Variants in CHST11 observed in about 807,000 individuals in gnomAD.
CHST11 encodes the protein C4S-1.
CHST11 carries 9 observed loss-of-function variants against 30.4 expected under a neutral mutation model. The ratio of observed to expected loss-of-function variants is 0.30; its 90% CI spans 0.18 to 0.52. The LOEUF is 0.52. Ranked by LOEUF, CHST11 falls within the 20% of genes least tolerant of loss-of-function variation. The probability of loss-of-function intolerance (pLI) is 0.97; values close to 1 mark genes in which losing one functional copy is unlikely to be tolerated. For synonymous variants in CHST11, 152 were observed against 187.8 expected (o/e 0.81, Z 1.56); for missense variants, 348 against 460.6 (o/e 0.76, Z 2.24).
intron 2 of CHST11, among the ~76,000 whole-genome samples, chr12:104,617,577 T>C (rs1208370836): frequency 1.3e-5 from 2 of 152,172 alleles, no homozygotes; most frequent in African/African-American, 2.4e-5. Flanking sequence ...GAGCAAGTAA[T>C]TCAACTTCTA....
intron 1 of CHST11, among the ~76,000 whole-genome samples, chr12:104,544,138 A>AGAAAGAAAGAAAG (rs1555231334): frequency 4.2e-5 from 3 of 71,724 alleles, no homozygotes; most frequent in South Asian, 7.8e-4. Context: ...AAAAAAAAAA[A>AGAAAGAAAGAAAG]AAAGAAAGAA....
intron 1 of CHST11, among the ~76,000 whole-genome samples, chr12:104,492,454 A>G (rs1057010332): frequency 1.3e-5 from 2 of 152,142 alleles, no homozygotes; most frequent in African/African-American, 4.8e-5. Flanking sequence ...ACCAGAATAG[A>G]AGTTCCTGAG....
At chr12:104,726,428 C>A (rs2040217361) in intron 2 of CHST11, among the ~76,000 whole-genome samples, 1 of 152,144 alleles carries the variant, frequency 6.6e-6, no homozygotes, top group South Asian at 2.1e-4. Context: ...AACTAAGGGG[C>A]TTGTAATTAA....
At chr12:104,604,187 C>A (rs768657398) in intron 2 of CHST11, among the ~76,000 whole-genome samples, 1 of 152,120 alleles carries the variant, frequency 6.6e-6, no homozygotes, top group African/African-American at 2.4e-5. Context: ...CTCTTCCTTC[C>A]GGTAGTGTTC....
At chr12:104,462,024 G>A (rs572380172) in intron 1 of CHST11, among the ~76,000 whole-genome samples, 13 of 151,518 alleles carry the variant, frequency 8.6e-5, no homozygotes, top group Non-Finnish European at 1.3e-4. Flanking sequence ...AAAATTAGCC[G>A]GGCGTGGTGG....
chr12:104,458,086 C>A lies in CHST11; in HGVS notation c.118+557C>A, dbSNP rs1367915980. Among the ~76,000 whole-genome samples, 12 of 151,866 alleles carry A rather than the reference C, an allele frequency of 7.9e-5. No homozygotes were observed. The highest frequency in any genetic ancestry group is 2.0e-4 in the Admixed American group (3 of 15,276). The stretch of plus-strand genomic sequence containing the variant: ...CTGGGAGCCCGGGACTGGGCTCCCA[C>A]GTGTCCCGGGCTCCGCGCAGAGCTG... On this transcript the variant is annotated intron_variant, in intron 1 of 2. Coordinates refer to ENST00000303694, the MANE Select transcript of CHST11 (RefSeq NM_018413.6). The surrounding 1 kb of genome is among the most constrained non-coding windows in gnomAD (Gnocchi z 5.7).
intron 2 of CHST11, among the ~76,000 whole-genome samples, chr12:104,607,616 G>A (rs1177663611): frequency 1.3e-5 from 2 of 152,176 alleles, no homozygotes; most frequent in Admixed American, 6.5e-5. Flanking sequence ...AAGAGAGACA[G>A]CATCACAGAA....
chr12:104,752,776 G>A (rs766805798), intron 2 of CHST11, among the ~76,000 whole-genome samples: 8 of 152,164 alleles, frequency 5.3e-5, no homozygotes, highest in Admixed American at 2.0e-4. Flanking sequence ...TAATTAGCCC[G>A]CTGCTGCCTC....
chr12:104,547,358 G>A (rs1026145476), intron 1 of CHST11, among the ~76,000 whole-genome samples: 5 of 152,138 alleles, frequency 3.3e-5, no homozygotes, highest in East Asian at 1.9e-4. Context: ...GCCTGCTGGC[G>A]CCAGGAGCCG....
chr12:104,625,198 A>C (rs1465714865), intron 2 of CHST11, among the ~76,000 whole-genome samples: 1 of 152,228 alleles, frequency 6.6e-6, no homozygotes, highest in African/African-American at 2.4e-5. Flanking sequence ...GAGATGCCAA[A>C]CTGGAGATGC....
chr12:104,521,246 A>G (rs747946607), intron 1 of CHST11, among the ~76,000 whole-genome samples: 25 of 152,162 alleles, frequency 1.6e-4, no homozygotes, highest in African/African-American at 5.8e-4. Context: ...CCCTTCCCAT[A>G]TAACTATTTT....
intron 1 of CHST11, among the ~76,000 whole-genome samples, chr12:104,527,060 CG>C (rs2038133499): frequency 6.6e-6 from 1 of 152,160 alleles, no homozygotes; most frequent in Admixed American, 6.5e-5. Flanking sequence ...CATGGTGTAA[CG>C]GGTTGAATTG....
At position 104,729,069 on chromosome 12, in the gene CHST11, G is replaced by T. The variant is rs1313100099; in HGVS notation, c.205-27880G>T. On this transcript the variant is annotated intron_variant, in intron 2 of 2. Transcript: ENST00000303694. This position sits in a 1 kb window ranked among gnomAD's most constrained non-coding sequence, Gnocchi z 4.0. ...GAATTTAGGGGAATTTTATTTTCGT[G>T]TTATTGTTTTCCTCTAATTATTACC... is the stretch of plus-strand genomic sequence containing the variant. Among the ~76,000 whole-genome samples the T allele has an allele frequency of 6.6e-6, 1 of 152,128 alleles. No individual in the cohort carries two copies. The highest frequency in any genetic ancestry group is 2.4e-5 in the African/African-American group (1 of 41,434).
At chr12:104,666,888 C>A (rs2039647480) in intron 2 of CHST11, among the ~76,000 whole-genome samples, 2 of 152,090 alleles carry the variant, frequency 1.3e-5, no homozygotes, top group African/African-American at 4.8e-5. Context: ...AAGTCGTTGC[C>A]CCTTGCCATC....
intron 2 of CHST11, among the ~76,000 whole-genome samples, chr12:104,645,383 G>A (rs1404828026): frequency 6.6e-6 from 1 of 152,224 alleles, no homozygotes; most frequent in Non-Finnish European, 1.5e-5. Flanking sequence ...TGAGGCTCAG[G>A]AAGTTAAAGA....
intron 1 of CHST11, among the ~76,000 whole-genome samples, chr12:104,544,334 A>T (rs2136004094): frequency 6.6e-6 from 1 of 152,292 alleles, no homozygotes; most frequent in Admixed American, 6.5e-5. Context: ...TAAACTATGG[A>T]GACTGTATCC....
chr12:104,655,274 G>A (rs547357067), intron 2 of CHST11, among the ~76,000 whole-genome samples: 1 of 152,236 alleles, frequency 6.6e-6, no homozygotes, highest in Non-Finnish European at 1.5e-5. Context: ...TGACCTTCGC[G>A]CCGGAGGCGC....
intron 1 of CHST11, chr12:104,552,447 AG>A (rs2038413797): frequency 6.5e-6 from 1 of 152,680 alleles, no homozygotes; most frequent in African/African-American, 2.4e-5. Context: ...CTGGGACTAC[AG>A]GCGCACACCA....
chr12:104,583,203 A>G (rs1189002086), intron 1 of CHST11, among the ~76,000 whole-genome samples: 1 of 152,054 alleles, frequency 6.6e-6, no homozygotes, highest in Non-Finnish European at 1.5e-5. Context: ...ATTTTGTCAT[A>G]ACACTTTTTT....
Sources: gnomAD v4.1 joint callset for allele counts (sites outside exome capture counted in the v4.1 genomes callset) on GRCh38, gnomAD v4.1.1 for gene constraint, Gnocchi (gnomAD v3.1) non-coding constraint, MANE v1.5 for transcripts, NCBI Gene and HGNC (gene_info 2026-07-23, HGNC 2026-07-21) for gene names.